Variants in PLEKHG7 observed in about 807,000 individuals in gnomAD.
PLEKHG7 encodes the protein pleckstrin homology domain-containing family G member 7.
PLEKHG7 carries 77 observed loss-of-function variants against 85.2 expected under a neutral mutation model. The observed-to-expected ratio is 0.90, with a 90% CI of 0.75 to 1.09. The LOEUF is 1.09. Among genes scored for constraint, PLEKHG7 ranks in the 50% least tolerant of loss-of-function variants. PLEKHG7 has a pLI of 0.00. For synonymous variants in PLEKHG7, 301 were observed against 302.4 expected (o/e 1.00, Z 0.05); for missense variants, 777 against 804.3 (o/e 0.97, Z 0.41).
chr12:92,761,651 A>AAAGAAAG (rs1873024340), intron 13 of PLEKHG7, 101 bp from the exon 14 acceptor site: 6 of 1,140,336 alleles, frequency 5.3e-6, no homozygotes, highest in Admixed American at 8.5e-5. Flanking sequence ...AGAAAGAAAG[A>AAAGAAAG]AAGAAAGAAA....
chr12:92,758,338 C>T (rs970254724), intron 13 of PLEKHG7, among the ~76,000 whole-genome samples: 3 of 152,182 alleles, frequency 2.0e-5, no homozygotes, highest in East Asian at 1.9e-4. Flanking sequence ...ATTTTATGAT[C>T]GACAAAGTGG....
intron 10 of PLEKHG7, among the ~76,000 whole-genome samples, chr12:92,752,391 A>G (rs1872714894): frequency 6.6e-6 from 1 of 152,222 alleles, no homozygotes; most frequent in Non-Finnish European, 1.5e-5. Flanking sequence ...AACAGTATAC[A>G]TGGAAACAAG....
At chr12:92,729,242 A>G in intron 4 of PLEKHG7, 122 bp downstream of exon 4, 3 of 1,150,148 alleles carry the variant, frequency 2.6e-6, no homozygotes, top group Non-Finnish European at 3.3e-6. Flanking sequence ...TGTTACAATC[A>G]GCCTCACCAA....
At position 92,754,094 on chromosome 12, in the gene PLEKHG7, G is replaced by A. The variant is rs1872759491; in HGVS notation, c.1256G>A (p.Cys419Tyr). The A allele has an allele frequency of 3.1e-6, 5 of 1,613,322 alleles. No individual in the cohort carries two copies. Among genetic ancestry groups the A allele is most frequent in the South Asian group, 2.2e-5 (2 of 91,004 alleles). ...GGCTGCTTTTGCCTTCCCCAGTGGT[G>A]TGAGCAGAATGAACAATGCAGACGG... ...RDDFGIYLKWCEQNEQCRRLH... is the reference protein window; with the variant it reads ...RDDFGIYLKWYEQNEQCRRLH... The change falls in exon 11 of 17, where the codon TGT (cysteine) becomes TAT (tyrosine). Residue 419 changes from cysteine (C) to tyrosine (Y), a missense_variant. By Grantham distance (194) the Cys-to-Tyr change is radical. Around this residue, in one of 3 missense-constraint regions of PLEKHG7, gnomAD observed 520 missense variants for 544.0 expected, o/e 0.96. Coordinates refer to ENST00000344636, the MANE Select transcript of PLEKHG7 (RefSeq NM_001377329.1).
At chr12:92,752,288 G>A (rs182977647) in intron 10 of PLEKHG7, among the ~76,000 whole-genome samples, 283 of 152,118 alleles carry the variant, frequency 1.9e-3, no homozygotes, top group African/African-American at 6.3e-3. Context: ...AAATAAATAC[G>A]TATACTCACA....
In PLEKHG7 at chr12:92,736,422, G is replaced by A. The variant is rs1161295221; in HGVS notation, c.700-60G>A. On this transcript the variant is annotated intron_variant, in intron 5 of 16. Transcript: ENST00000344636. ...ATGAACGAAAGATGCCAAGGCTACC[G>A]AAGTCATGTCATTAAAGAATCAATG... The A allele has an allele frequency of 4.9e-6, 5 of 1,030,518 alleles. No homozygotes were observed. The African/African-American group carries it at 6.7e-5, about 14-fold the overall frequency. 63.8% of individuals were successfully genotyped at this position (1,030,518 alleles called of 1,614,324 possible). A position where few individuals can be genotyped will look rare whatever the true frequency, so the allele number is the denominator to read the frequency against.
At chr12:92,707,992 G>T (rs1277708721) in intron 3 of PLEKHG7, 4 of 395,150 alleles carry the variant, frequency 1.0e-5, no homozygotes, top group Admixed American at 7.9e-5. Context: ...AAATAGAAAG[G>T]CCAGAGATAT....
At chr12:92,717,182 C>T (rs889343788) in intron 3 of PLEKHG7, among the ~76,000 whole-genome samples, 2 of 152,222 alleles carry the variant, frequency 1.3e-5, no homozygotes, top group South Asian at 4.1e-4. Flanking sequence ...TATAGACTAA[C>T]CTTCCAATGC....
Position 92,764,122 on chromosome 12 carries a change from T to C in PLEKHG7, c.1798T>C (p.Cys600Arg). 6.2e-7 allele frequency: 1 copy of C among 1,612,932 alleles called. No individual in the cohort carries two copies. Among genetic ancestry groups the C allele is most frequent in the Non-Finnish European group, 8.5e-7 (1 of 1,179,316 alleles). ...LQAVIKEGGS[C>R]TVLDQPIPLD... ...AGCAGTAATAAAAGAGGGTGGTTCG[T>C]GTACAGTACTCGATCAGCCTATTCC... The change falls in exon 15 of 17, where the codon TGT becomes CGT. Residue 600 changes from cysteine (C) to arginine (R), a missense_variant. By Grantham distance (180) the Cys-to-Arg change is radical. This residue lies in a region of PLEKHG7 where 520 missense variants were observed against 544.0 expected (regional missense o/e 0.96). Coordinates refer to ENST00000344636, the MANE Select transcript of PLEKHG7 (RefSeq NM_001377329.1).
rs145096041 is a variant in PLEKHG7 at position 92,745,485 on chromosome 12, G to A, written c.1145G>A (p.Arg382Gln). The A allele has an allele frequency of 4.0e-5, 64 of 1,610,320 alleles. No individual in the cohort carries two copies. The highest frequency in any genetic ancestry group is 2.0e-4 in the African/African-American group (15 of 74,922). Residue 382 changes from arginine (R) to glutamine (Q), a missense_variant, in exon 10 of 17, where the codon CGA becomes CAA. Physicochemically the swap from Arg to Gln is conservative, Grantham distance 43. Around this residue, in one of 3 missense-constraint regions of PLEKHG7, gnomAD observed 520 missense variants for 544.0 expected, o/e 0.96. Transcript: ENST00000344636. ...DFISVLTKYF[R>Q]GSLCQSHQTY... ...GCTCTTCCTTTCTTGCAGTATTTCC[G>A]AGGGAGTCTCTGTCAGAGCCACCAG...
At position 92,770,182 on chromosome 12, in the gene PLEKHG7, CCT is replaced by C; in HGVS notation, c.2066_2067del (p.Ser689Ter). 1 of 1,596,034 alleles carries C rather than the reference CCT, an allele frequency of 6.3e-7. No individual in the cohort carries two copies. Among genetic ancestry groups the C allele is most frequent in the South Asian group, 1.1e-5 (1 of 87,254 alleles). Reference sequence around the variant, plus strand: ...TCTTTATTCACATTGCCCGCAGAATCCTCTGAAATTTAGGGACCTAAAACAAG... The same window carrying C: ...TCTTTATTCACATTGCCCGCAGAATCCTGAAATTTAGGGACCTAAAACAAG... On this transcript the variant is annotated frameshift_variant, in exon 17 of 17. Transcript: ENST00000344636. LOFTEE classifies it high-confidence loss of function.
chr12:92,735,834 C>T (rs146032938), intron 5 of PLEKHG7, among the ~76,000 whole-genome samples: 91 of 152,126 alleles, frequency 6.0e-4, no homozygotes, highest in African/African-American at 2.1e-3. Flanking sequence ...GGTGAAGACA[C>T]ATTTCATGCT....
intron 15 of PLEKHG7, among the ~76,000 whole-genome samples, chr12:92,767,496 G>C (rs986391516): frequency 9.6e-5 from 13 of 135,108 alleles, no homozygotes; most frequent in African/African-American, 3.6e-4. Context: ...AACACAGCCA[G>C]CTTTTTTTTT....
intron 3 of PLEKHG7, among the ~76,000 whole-genome samples, chr12:92,714,803 A>C (rs1476492713): frequency 1.3e-5 from 2 of 152,056 alleles, no homozygotes; most frequent in East Asian, 3.9e-4. Context: ...ATGTTGCATA[A>C]CTCTCCAAAC....
chr12:92,717,547 C>T (rs1565787321), intron 3 of PLEKHG7, among the ~76,000 whole-genome samples: 1 of 152,236 alleles, frequency 6.6e-6, no homozygotes, highest in Non-Finnish European at 1.5e-5. Flanking sequence ...ATTAATGATG[C>T]TTTTGTCAAC....
intron 10 of PLEKHG7, among the ~76,000 whole-genome samples, chr12:92,750,886 G>A (rs945761110): frequency 6.6e-6 from 1 of 152,120 alleles, no homozygotes; most frequent in African/African-American, 2.4e-5. Context: ...GTTGCAGTCA[G>A]CCATGATTGG....
intron 3 of PLEKHG7, among the ~76,000 whole-genome samples, chr12:92,710,850 G>C (rs1871355529): frequency 6.6e-6 from 1 of 152,124 alleles, no homozygotes; most frequent in South Asian, 2.1e-4. Context: ...GAGGCTGAGT[G>C]GTGTCCACAG....
chr12:92,737,749 GAGGA>G (rs777765567), intron 7 of PLEKHG7, among the ~76,000 whole-genome samples: 1 of 125,934 alleles, frequency 7.9e-6, no homozygotes, highest in South Asian at 2.8e-4. Flanking sequence ...GGGAGGGAGG[GAGGA>G]AGGAAGGAAG....
intron 13 of PLEKHG7, among the ~76,000 whole-genome samples, chr12:92,761,068 T>C (rs1007944803): frequency 3.3e-5 from 5 of 152,190 alleles, no homozygotes; most frequent in African/African-American, 1.2e-4. Context: ...AGAACACTAA[T>C]GCTACTGGAT....
Sources: allele counts gnomAD v4.1 joint callset (sites outside exome capture counted in the v4.1 genomes callset), GRCh38; gene constraint gnomAD v4.1.1; regional missense constraint gnomAD v4.1.1; transcripts MANE v1.5; gene names NCBI Gene and HGNC (gene_info 2026-07-23, HGNC 2026-07-21).